Variants in WDR86 observed in about 807,000 individuals in gnomAD.
The protein encoded by WDR86 is WD repeat-containing protein 86.
WDR86 carries 30 observed loss-of-function variants against 36.5 expected under a neutral mutation model. That is an observed-to-expected ratio of 0.82 (90% CI 0.61 to 1.11). WDR86 has a LOEUF of 1.11. Ranked by LOEUF, WDR86 falls within the 50% of genes most tolerant of loss-of-function variation. WDR86 has a pLI of 0.00. For missense variants in WDR86, 545 were observed against 561.2 expected, an observed-to-expected ratio of 0.97 and a Z score of 0.29; for synonymous variants, 255 against 252.9, an observed-to-expected ratio of 1.01 and a Z score of -0.08.
Position 151,381,875 on chromosome 7 carries a change from T to C in WDR86, c.966+3A>G. The stretch of plus-strand genomic sequence containing the variant: ...CGGCCCCGAGAAGGGCAGAGGGACC[T>C]ACCTGGATGCAGTTGATGATGAATG... On this transcript the variant is annotated splice_donor_region_variant and intron_variant, in intron 5 of 5. Transcript: ENST00000334493. This position sits in a 1 kb window ranked among gnomAD's most constrained non-coding sequence, Gnocchi z 4.8. 6.2e-7 allele frequency: 1 copy of C among 1,606,808 alleles called. No individual in the cohort carries two copies. Among genetic ancestry groups the C allele is most frequent in the Non-Finnish European group, 8.5e-7 (1 of 1,177,184 alleles).
downstream of WDR86, chr7:151,377,392 C>A (rs551356969): frequency 6.0e-6 from 3 of 499,116 alleles, no homozygotes; most frequent in South Asian, 6.4e-5. Context: ...GGCCTTCATG[C>A]GTGGTCTCGG....
intron 1 of WDR86, chr7:151,408,604 T>C (rs1800919564): frequency 4.1e-6 from 1 of 245,406 alleles, no homozygotes; most frequent in South Asian, 5.3e-5. Flanking sequence ...TCACTGATGA[T>C]GGTGGAAAAG....
downstream of WDR86, among the ~76,000 whole-genome samples, chr7:151,373,208 G>A (rs1008502835): frequency 6.6e-6 from 1 of 152,128 alleles, no homozygotes; most frequent in Non-Finnish European, 1.5e-5. Flanking sequence ...TGGTCTCCCT[G>A]GGAGAATGTA....
rs1008105672 is a variant in WDR86 at position 151,406,075 on chromosome 7, T to C, written c.163+3352A>G. ...GGATAAGCAAGTGGCAAGTAATTCT[T>C]CTCTTTGCAGAGTAATTGCAATGAA... is the stretch of plus-strand genomic sequence containing the variant. On this transcript the variant is annotated intron_variant, in intron 1 of 5. Transcript: ENST00000334493. This position sits in a 1 kb window ranked among gnomAD's most constrained non-coding sequence, Gnocchi z 4.4. Among the ~76,000 whole-genome samples, 1 of 152,156 alleles carries C rather than the reference T, an allele frequency of 6.6e-6. No homozygotes were observed. The highest frequency in any genetic ancestry group is 2.4e-5 in the African/African-American group (1 of 41,436).
chr7:151,377,253 C>T (rs1440657977), downstream of WDR86: 4 of 1,436,704 alleles, frequency 2.8e-6, no homozygotes, highest in Admixed American at 5.0e-5. Flanking sequence ...CGCTAATTTT[C>T]TGCTTATAAA....
chr7:151,408,754 C>G, intron 1 of WDR86: 1 of 393,534 alleles, frequency 2.5e-6, no homozygotes, highest in South Asian at 1.9e-5. Context: ...AAGGTGCACC[C>G]GAGGCACACT....
In WDR86 at chr7:151,405,648, G is replaced by A. The variant is rs1225091575; in HGVS notation, c.163+3779C>T. On this transcript the variant is annotated intron_variant, in intron 1 of 5. Transcript: ENST00000334493. The surrounding 1 kb of genome is among the most constrained non-coding windows in gnomAD (Gnocchi z 4.7). ...CAAGACCTACGCAGCTTGGCTTTCTGGACTTCTCCGGTGGGAGCGGTCAGT... is the reference window on the plus strand; with the variant it reads ...CAAGACCTACGCAGCTTGGCTTTCTAGACTTCTCCGGTGGGAGCGGTCAGT... Among the ~76,000 whole-genome samples the A allele has an allele frequency of 1.3e-5, 2 of 152,164 alleles. No homozygotes were observed. Among genetic ancestry groups the A allele is most frequent in the Non-Finnish European group, 2.9e-5 (2 of 68,028 alleles).
At chr7:151,395,000 C>T (rs1021902652) in intron 3 of WDR86, among the ~76,000 whole-genome samples, 6 of 128,752 alleles carry the variant, frequency 4.7e-5, no homozygotes, top group African/African-American at 1.1e-4. Flanking sequence ...CGTAATCCTC[C>T]CTGTACATGT....
chr7:151,368,967 G>C, the WDR86 span: 4 of 1,398,636 alleles, frequency 2.9e-6, no homozygotes, highest in South Asian at 3.1e-5. Flanking sequence ...TTAATAACCA[G>C]GAACTCTTTA....
At chr7:151,398,173 T>G (rs193295275) in intron 2 of WDR86, among the ~76,000 whole-genome samples, 1 of 152,124 alleles carries the variant, frequency 6.6e-6, no homozygotes, top group African/African-American at 2.4e-5. Context: ...TGTGCCTGCA[T>G]GTACTTTGTG....
rs1480420498 is a variant in WDR86, at chr7:151,385,161, G to A, written c.789C>T (p.Asp263=). Residue 263 remains aspartate (D), a synonymous_variant, in exon 4 of 6, where the codon GAC becomes GAT. Transcript: ENST00000334493. ...ADRTVKCWLA[D]TGECVRTFTA... ...TGAACGTGCGCACACACTCCCCTGT[G>A]TCTGCCAGCCAGCACTTGACGGTCC... 3 of 1,613,056 alleles carry A rather than the reference G, an allele frequency of 1.9e-6. No individual in the cohort carries two copies. Among genetic ancestry groups the A allele is most frequent in the Non-Finnish European group, 2.5e-6 (3 of 1,179,904 alleles).
rs977313525 is a variant in WDR86 at position 151,401,875 on chromosome 7, C to A, written c.164-1634G>T. ...TCAGCCTGGCTAAGATGGTGAAACC[C>A]CGTCTCTACTAAAAATACAAAAAAT... On this transcript the variant is annotated intron_variant, in intron 1 of 5. Transcript: ENST00000334493. The surrounding 1 kb of genome is among the most constrained non-coding windows in gnomAD (Gnocchi z 4.3). Among the ~76,000 whole-genome samples, 7 of 150,728 alleles carry A rather than the reference C, an allele frequency of 4.6e-5. No individual in the cohort carries two copies. Among genetic ancestry groups the A allele is most frequent in the Non-Finnish European group, 8.9e-5 (6 of 67,722 alleles).
chr7:151,398,189 ATGTG>A, intron 2 of WDR86, among the ~76,000 whole-genome samples: 1 of 151,870 alleles, frequency 6.6e-6, no homozygotes, highest in East Asian at 1.9e-4. Context: ...TTGTGTGTAT[ATGTG>A]TATGTTTTGT....
chr7:151,409,211 T>G lies in WDR86; in HGVS notation c.163+216A>C. 1 of 465,148 alleles carries G rather than the reference T, an allele frequency of 2.1e-6. No homozygotes were observed. The allele number at this position is 465,148 out of a possible 1,614,324, so 28.8% of individuals were successfully genotyped here. ...CACCCACCCGATCCCGGCCGCACCC[T>G]GCTCTGCACCCGCACCCCACCCCCA... On this transcript the variant is annotated intron_variant, in intron 1 of 5. Coordinates refer to ENST00000334493, the MANE Select transcript of WDR86 (RefSeq NM_198285.3). This position sits in a 1 kb window ranked among gnomAD's most constrained non-coding sequence, Gnocchi z 5.2.
In WDR86 at chr7:151,400,086, C is replaced by T. The variant is rs1287631034; in HGVS notation, c.305+14G>A. ...GTATGGTGAGACTCAGCCCAAGCCCCCAGCCAGGCTGACCTGTTCACGATG... is the reference window on the plus strand; with the variant it reads ...GTATGGTGAGACTCAGCCCAAGCCCTCAGCCAGGCTGACCTGTTCACGATG... On this transcript the variant is annotated intron_variant, in intron 2 of 5. Coordinates refer to ENST00000334493, the MANE Select transcript of WDR86 (RefSeq NM_198285.3). 6.4e-7 allele frequency: 1 copy of T among 1,551,460 alleles called. No individual in the cohort carries two copies. Among genetic ancestry groups the T allele is most frequent in the Admixed American group, 1.9e-5 (1 of 54,030 alleles).
At chr7:151,369,931 G>A in the WDR86 span, among the ~76,000 whole-genome samples, 1 of 152,178 alleles carries the variant, frequency 6.6e-6, no homozygotes, top group Non-Finnish European at 1.5e-5. Context: ...CAGAGAGGGA[G>A]TGGATTCGTG....
chr7:151,379,348 G>A (rs966435188), downstream of WDR86, among the ~76,000 whole-genome samples: 1 of 152,180 alleles, frequency 6.6e-6, no homozygotes, highest in Non-Finnish European at 1.5e-5. Flanking sequence ...CAACTGGTCA[G>A]GTGTCCTTGA....
chr7:151,384,839 G>C (rs1468755180), intron 4 of WDR86, among the ~76,000 whole-genome samples: 2 of 152,198 alleles, frequency 1.3e-5, no homozygotes, highest in African/African-American at 4.8e-5. Context: ...TTTGACCCTA[G>C]ACCCTCCCAG....
At position 151,400,176 on chromosome 7, in the gene WDR86, A is replaced by AG. The variant is rs760843808; in HGVS notation, c.228dup (p.Cys77LeufsTer40). ...AGCACGTCCCACCTCCTGATGGTGC[A>AG]GTCGGCGCTGCATGTGAAGGCAGCC... is the stretch of plus-strand genomic sequence containing the variant. On this transcript the variant is annotated frameshift_variant, in exon 2 of 6. Coordinates refer to ENST00000334493, the MANE Select transcript of WDR86 (RefSeq NM_198285.3). LOFTEE classifies it high-confidence loss of function. 4 of 1,612,332 alleles carry AG rather than the reference A, an allele frequency of 2.5e-6. No individual in the cohort carries two copies. The South Asian group carries it at 4.4e-5, about 18-fold the overall frequency.
Sources: allele counts gnomAD v4.1 joint callset (sites outside exome capture counted in the v4.1 genomes callset), GRCh38; gene constraint gnomAD v4.1.1; non-coding constraint Gnocchi (gnomAD v3.1); transcripts MANE v1.5; gene names NCBI Gene and HGNC (gene_info 2026-07-23, HGNC 2026-07-21).